The following PAX7 variants were observed in gnomAD, a reference collection of about 807,000 sequenced individuals.
PAX7 encodes paired box 7, also known as paired box protein Pax-7.
In PAX7, 18 loss-of-function variants were observed where a neutral mutation model predicts 50.7. The observed-to-expected ratio is 0.36, with a 90% CI of 0.25 to 0.53. PAX7 has a LOEUF of 0.53. PAX7 is among the 20% of genes least tolerant of loss of function. The probability of loss-of-function intolerance (pLI) is 0.93; values close to 1 mark genes in which losing one functional copy is unlikely to be tolerated. For synonymous variants in PAX7, 310 were observed against 290.4 expected (o/e 1.07, Z -0.69); for missense variants, 644 against 702.9 (o/e 0.92, Z 0.95).
intron 4 of PAX7, among the ~76,000 whole-genome samples, chr1:18,643,320 C>T (rs953469678): frequency 2.0e-5 from 3 of 152,040 alleles, no homozygotes; most frequent in Non-Finnish European, 4.4e-5. Flanking sequence ...TCGCCCTGGT[C>T]CTGGAGGTGC....
intron 4 of PAX7, among the ~76,000 whole-genome samples, chr1:18,659,112 T>C (rs2088565050): frequency 6.6e-6 from 1 of 152,234 alleles, no homozygotes; most frequent in Non-Finnish European, 1.5e-5. Flanking sequence ...TGTGTATGTG[T>C]GTGTCTGTGT....
intron 4 of PAX7, among the ~76,000 whole-genome samples, chr1:18,674,970 A>C (rs1175818298): frequency 2.0e-5 from 3 of 152,152 alleles, no homozygotes; most frequent in Admixed American, 2.0e-4. Flanking sequence ...TGCTGCTAAC[A>C]CTTGACAGCT....
intron 4 of PAX7, among the ~76,000 whole-genome samples, chr1:18,665,038 G>A (rs1313940320): frequency 6.6e-6 from 1 of 152,180 alleles, no homozygotes; most frequent in Non-Finnish European, 1.5e-5. Context: ...ACATCTCTCT[G>A]TGCCTCAGTC....
chr1:18,635,091 T>TC lies in PAX7; in HGVS notation c.322-17dup. The stretch of plus-strand genomic sequence containing the variant: ...CCATCCCATCTTTCCACTCCTACTC[T>TC]CCCACCTCCACCTCTGAAGCAGGTG... On this transcript the variant is annotated intron_variant, in intron 2 of 8. Transcript: ENST00000420770. The TC allele has an allele frequency of 6.2e-7, 1 of 1,612,478 alleles. No individual in the cohort carries two copies. Among genetic ancestry groups the TC allele is most frequent in the South Asian group, 1.1e-5 (1 of 90,830 alleles).
intron 5 of PAX7, among the ~76,000 whole-genome samples, chr1:18,693,921 A>G (rs1210197761): frequency 6.6e-6 from 1 of 152,170 alleles, no homozygotes; most frequent in African/African-American, 2.4e-5. Flanking sequence ...AGGTCCACGG[A>G]GGGAGGGGGT....
chr1:18,672,299 T>A (rs1029844197), intron 4 of PAX7, among the ~76,000 whole-genome samples: 3 of 152,220 alleles, frequency 2.0e-5, no homozygotes, highest in African/African-American at 7.2e-5. Flanking sequence ...AGATCTAGCT[T>A]AGCCTCTGAG....
At position 18,747,008 on chromosome 1, in the gene PAX7, C is replaced by CA. The variant is rs1465086512; in HGVS notation, c.*2085dup. On this transcript the variant is annotated 3_prime_UTR_variant, in exon 9 of 9. Transcript: ENST00000420770. ...GACCTTTGGCTCTTCAAGCTCGGGA[C>CA]AAAAAAGAAGACTCTGTTGTCCCTT... 1.7e-5 allele frequency: 4 copies of CA among 229,918 alleles called. No homozygotes were observed. The highest frequency in any genetic ancestry group is 3.4e-5 in the Non-Finnish European group (4 of 116,066). The allele number at this position is 229,918 out of a possible 1,614,324, so 14.2% of individuals were successfully genotyped here.
chr1:18,651,997 A>G (rs1473399054), intron 4 of PAX7, among the ~76,000 whole-genome samples: 1 of 152,028 alleles, frequency 6.6e-6, no homozygotes, highest in Non-Finnish European at 1.5e-5. Context: ...GTTGGCTCTC[A>G]GGTCAGGCCA....
chr1:18,682,074 G>A (rs998366823), intron 4 of PAX7, among the ~76,000 whole-genome samples: 3 of 152,142 alleles, frequency 2.0e-5, no homozygotes, highest in African/African-American at 7.2e-5. Context: ...GGTGGGGTTC[G>A]ATGGGAGCTC....
At chr1:18,648,125 A>G (rs1264907199) in intron 4 of PAX7, among the ~76,000 whole-genome samples, 3 of 151,926 alleles carry the variant, frequency 2.0e-5, no homozygotes, top group Non-Finnish European at 4.4e-5. Context: ...GTTTGAGGAG[A>G]TGGTGAAAAC....
At chr1:18,688,636 C>T (rs1020161133) in intron 4 of PAX7, among the ~76,000 whole-genome samples, 1 of 152,186 alleles carries the variant, frequency 6.6e-6, no homozygotes, top group Non-Finnish European at 1.5e-5. Flanking sequence ...CATGGTGGCT[C>T]ATGCCTGTAA....
chr1:18,643,759 A>G (rs1461919150), intron 4 of PAX7, among the ~76,000 whole-genome samples: 1 of 152,208 alleles, frequency 6.6e-6, no homozygotes, highest in Non-Finnish European at 1.5e-5. Context: ...GCAGTTCATC[A>G]TATTACAGCA....
At chr1:18,642,348 A>G (rs977912409) in intron 4 of PAX7, among the ~76,000 whole-genome samples, 2 of 152,136 alleles carry the variant, frequency 1.3e-5, no homozygotes, top group African/African-American at 4.8e-5. Flanking sequence ...CTGGAAGCTC[A>G]TAGTCTAAGA....
intron 5 of PAX7, among the ~76,000 whole-genome samples, chr1:18,694,195 T>C (rs1047375499): frequency 6.6e-6 from 1 of 152,198 alleles, no homozygotes; most frequent in Non-Finnish European, 1.5e-5. Context: ...GGTGCGGTGG[T>C]TCACTCCTGT....
At position 18,634,554 on chromosome 1, in the gene PAX7, A is replaced by G. The variant is rs768400015; in HGVS notation, c.321+16A>G. On this transcript the variant is annotated intron_variant, in intron 2 of 8. Transcript: ENST00000420770. This position sits in a 1 kb window ranked among gnomAD's most constrained non-coding sequence, Gnocchi z 4.0. The stretch of plus-strand genomic sequence containing the variant: ...CAAGCCCAGAGTGAGTGTCTTTGCC[A>G]CAGAGGCTGGCAGCTGGCTTCCTAT... 1 of 1,609,288 alleles carries G rather than the reference A, an allele frequency of 6.2e-7. No homozygotes were observed. Among genetic ancestry groups the G allele is most frequent in the South Asian group, 1.1e-5 (1 of 90,966 alleles).
intron 7 of PAX7, among the ~76,000 whole-genome samples, chr1:18,717,585 T>C (rs1057125093): frequency 1.3e-5 from 2 of 152,158 alleles, no homozygotes. Flanking sequence ...CCATGCCCCT[T>C]GTATTCCCCT....
At chr1:18,666,241 C>T (rs1220785724) in intron 4 of PAX7, among the ~76,000 whole-genome samples, 1 of 152,204 alleles carries the variant, frequency 6.6e-6, no homozygotes, top group Admixed American at 6.5e-5. Flanking sequence ...GTTTCAAAAT[C>T]ATCATTTAAT....
chr1:18,640,592 A>C (rs2088236085), intron 4 of PAX7, among the ~76,000 whole-genome samples: 4 of 152,022 alleles, frequency 2.6e-5, no homozygotes, highest in African/African-American at 9.7e-5. Context: ...CTCCTCTGTA[A>C]ATGTGTGTTT....
At chr1:18,734,748 T>TCC (rs986249171) in intron 7 of PAX7, among the ~76,000 whole-genome samples, 6 of 151,954 alleles carry the variant, frequency 3.9e-5, no homozygotes, top group Non-Finnish European at 7.4e-5. Flanking sequence ...CCTCCTCCTC[T>TCC]CCCCCGACCG....
Sources: allele counts gnomAD v4.1 joint callset (sites outside exome capture counted in the v4.1 genomes callset), GRCh38; gene constraint gnomAD v4.1.1; non-coding constraint Gnocchi (gnomAD v3.1); transcripts MANE v1.5; gene names NCBI Gene and HGNC (gene_info 2026-07-23, HGNC 2026-07-21).